The following EDARADD variants were observed in gnomAD, a reference collection of about 807,000 sequenced individuals.
The protein encoded by EDARADD is EDAR associated via death domain.
A neutral mutation model predicts 25.6 loss-of-function variants in EDARADD; 20 were observed. The ratio of observed to expected loss-of-function variants is 0.78; its 90% CI spans 0.55 to 1.14. The LOEUF (loss-of-function observed/expected upper bound fraction) is 1.14, where lower values mean the gene tolerates loss of function less well. EDARADD is among the 50% of genes most tolerant of loss of function. The pLI is 0.00. For synonymous variants in EDARADD, 86 were observed against 94.4 expected (o/e 0.91, Z 0.52); for missense variants, 225 against 270.1 (o/e 0.83, Z 1.17).
intron 5 of EDARADD, among the ~76,000 whole-genome samples, chr1:236,476,263 T>A (rs1659501712): frequency 2.0e-5 from 3 of 152,104 alleles, no homozygotes; most frequent in Non-Finnish European, 4.4e-5. Flanking sequence ...TGATGTTTTT[T>A]TCTTCTTGAC....
At chr1:236,481,642 G>T (rs1053993697) in intron 5 of EDARADD, among the ~76,000 whole-genome samples, 2 of 151,630 alleles carry the variant, frequency 1.3e-5, no homozygotes, top group Non-Finnish European at 2.9e-5. Context: ...AGCCAGGTTT[G>T]GTGGTACGTG....
At chr1:236,464,441 T>TTTG (rs563835939) in intron 4 of EDARADD, among the ~76,000 whole-genome samples, 1 of 126,374 alleles carries the variant, frequency 7.9e-6, no homozygotes, top group Non-Finnish European at 1.7e-5. Context: ...TTTTTTTTTT[T>TTTG]TTTTTTTTTG....
Position 236,483,171 on chromosome 1 carries a change from A to G in EDARADD, c.*522A>G. 5 of 1,556,418 alleles carry G rather than the reference A, an allele frequency of 3.2e-6. No homozygotes were observed. The highest frequency in any genetic ancestry group is 1.1e-5 in the South Asian group (1 of 89,900). ...CAGTGGCTAGAAATTCACCATGTCT[A>G]TTCTCAAGATCCATGCCAGGGAGCT... On this transcript the variant is annotated 3_prime_UTR_variant, in exon 6 of 6. Transcript: ENST00000334232.
chr1:236,401,318 C>T (rs1667608907), intron 1 of EDARADD, among the ~76,000 whole-genome samples: 1 of 152,206 alleles, frequency 6.6e-6, no homozygotes, highest in African/African-American at 2.4e-5. Flanking sequence ...ACTTTTCTGG[C>T]TCAGGATGCT....
chr1:236,460,968 C>T (rs1382547210), intron 4 of EDARADD, among the ~76,000 whole-genome samples: 1 of 151,324 alleles, frequency 6.6e-6, no homozygotes, highest in African/African-American at 2.4e-5. Context: ...ATTACAGGCA[C>T]CTGCCACCAT....
At chr1:236,451,816 G>A (rs6677406) in intron 4 of EDARADD, among the ~76,000 whole-genome samples, 2,786 of 152,100 alleles carry the variant, frequency 0.018, 109 homozygotes, top group African/African-American at 0.064. Context: ...CCTCCTCCCC[G>A]GAGATGAGAA....
At chr1:236,399,782 G>A (rs1021529281) in intron 1 of EDARADD, among the ~76,000 whole-genome samples, 2 of 152,248 alleles carry the variant, frequency 1.3e-5, no homozygotes, top group African/African-American at 4.8e-5. Flanking sequence ...TTGCAGTAAG[G>A]CAAGTGCCGA....
At position 236,395,314 on chromosome 1, in the gene EDARADD, G is replaced by A. The variant is rs994098872; in HGVS notation, c.61+809G>A. On this transcript the variant is annotated intron_variant, in intron 1 of 5. Coordinates refer to ENST00000334232, the MANE Select transcript of EDARADD (RefSeq NM_145861.4). The surrounding 1 kb of genome is among the most constrained non-coding windows in gnomAD (Gnocchi z 6.9). ...GGCGCTGGGGACGCCCGGGACACTCGGGGCCCCGCCTTGCGTCCCAGCCCC... is the reference window on the plus strand; with the variant it reads ...GGCGCTGGGGACGCCCGGGACACTCAGGGCCCCGCCTTGCGTCCCAGCCCC... 5.6e-6 allele frequency: 7 copies of A among 1,258,306 alleles called. No individual in the cohort carries two copies. In the East Asian group the frequency reaches 2.9e-4, roughly 52 times the overall value. 77.9% of individuals were successfully genotyped at this position (1,258,306 alleles called of 1,614,324 possible).
chr1:236,410,511 C>T (rs757011352), intron 2 of EDARADD, among the ~76,000 whole-genome samples: 8 of 152,132 alleles, frequency 5.3e-5, no homozygotes, highest in Non-Finnish European at 7.3e-5. Flanking sequence ...GCACGTACCC[C>T]CATCCTACAG....
intron 4 of EDARADD, among the ~76,000 whole-genome samples, chr1:236,436,658 CTCTTTTTT>C (rs933697198): frequency 1.4e-5 from 2 of 144,260 alleles, no homozygotes; most frequent in African/African-American, 5.0e-5. Flanking sequence ...AGAACCTTAA[CTCTTTTTT>C]AGAGGCAGGA....
At chr1:236,366,741 C>CCCTTTTTTTTTTTTT (rs1667115153) in intron 3 of EDARADD, among the ~76,000 whole-genome samples, 1 of 144,214 alleles carries the variant, frequency 6.9e-6, no homozygotes, top group Non-Finnish European at 1.5e-5. Context: ...TCATCTCTCT[C>CCCTTTTTTTTTTTTT]TTTTTTTTGT....
Position 236,371,366 on chromosome 1 carries a change from T to A in EDARADD, c.-6+20527T>A, listed in dbSNP as rs954414156. 7.9e-5 allele frequency among the ~76,000 whole-genome samples: 12 copies of A among 152,320 alleles called. No homozygotes were observed. In the East Asian group the frequency reaches 2.1e-3, roughly 27 times the overall value. ...TTCAGATTTTCTACATAGACCATCA[T>A]GTTATCTGCAAAGACAGTGTTAATT... On this transcript the variant is annotated intron_variant, in intron 3 of 7. Coordinates refer to the EDARADD transcript ENST00000439430.
rs71559950 is a variant in EDARADD, at chr1:236,405,789, C to CT, written c.62-3423dup. Among the ~76,000 whole-genome samples the CT allele has an allele frequency of 5.5e-4, 24 of 43,380 alleles. 2 individuals are homozygous for CT. The highest frequency in any genetic ancestry group is 6.8e-4 in the Non-Finnish European group (13 of 19,244). 28.5% of individuals were successfully genotyped at this position (43,380 alleles called of 152,430 possible). ...TCTTTCTTTCTTTCTTTCTTTCTTT[C>CT]TTTTCTTTTTCTTTCTTTCTTTCCT... On this transcript the variant is annotated intron_variant, in intron 1 of 5. Coordinates refer to ENST00000334232, the MANE Select transcript of EDARADD (RefSeq NM_145861.4).
Position 236,484,117 on chromosome 1 carries a change from A to G in EDARADD, c.*1468A>G. On this transcript the variant is annotated 3_prime_UTR_variant, in exon 6 of 6. Transcript: ENST00000334232. The surrounding 1 kb of genome is among the most constrained non-coding windows in gnomAD (Gnocchi z 4.1). ...AGTGCAGGAATCCAGGTAGTGGAGG[A>G]TGATCTCAGAGTGACCAACCCAAAG... is the stretch of plus-strand genomic sequence containing the variant. 1.9e-6 allele frequency: 3 copies of G among 1,549,026 alleles called. No homozygotes were observed. Among genetic ancestry groups the G allele is most frequent in the South Asian group, 2.2e-5 (2 of 89,780 alleles).
chr1:236,421,612 C>A (rs944621835), intron 3 of EDARADD, among the ~76,000 whole-genome samples: 2 of 151,282 alleles, frequency 1.3e-5, no homozygotes, highest in African/African-American at 2.4e-5. Flanking sequence ...ATTCTCCTGC[C>A]GCAGCCTCCT....
intron 4 of EDARADD, among the ~76,000 whole-genome samples, chr1:236,456,724 CCCCCTCACT>C (rs1289614219): frequency 4.3e-5 from 2 of 46,638 alleles, no homozygotes; most frequent in Non-Finnish European, 1.2e-4. Flanking sequence ...CCTCCCCCCT[CCCCCTCACT>C]CCCTCTGCAC....
intron 3 of EDARADD, among the ~76,000 whole-genome samples, chr1:236,362,312 G>T (rs1224584677): frequency 6.6e-6 from 1 of 152,200 alleles, no homozygotes; most frequent in Admixed American, 6.5e-5. Flanking sequence ...GATGTTGAGC[G>T]TCTATTTGTG....
At position 236,398,178 on chromosome 1, in the gene EDARADD, G is replaced by A. The variant is rs548067789; in HGVS notation, c.61+3673G>A. ...CTCACTCTGTCACCCAGGCTGGAGT[G>A]CAGTGGCGTGATCCCCACTCACTGC... is the stretch of plus-strand genomic sequence containing the variant. On this transcript the variant is annotated intron_variant, in intron 1 of 5. Coordinates refer to ENST00000334232, the MANE Select transcript of EDARADD (RefSeq NM_145861.4). The surrounding 1 kb of genome is among the most constrained non-coding windows in gnomAD (Gnocchi z 4.1). Among the ~76,000 whole-genome samples, 20 of 152,122 alleles carry A rather than the reference G, an allele frequency of 1.3e-4. No homozygotes were observed. Among genetic ancestry groups the A allele is most frequent in the Non-Finnish European group, 2.6e-4 (18 of 68,020 alleles).
At chr1:236,448,210 G>A (rs1658617593) in intron 4 of EDARADD, among the ~76,000 whole-genome samples, 1 of 152,236 alleles carries the variant, frequency 6.6e-6, no homozygotes, top group Non-Finnish European at 1.5e-5. Flanking sequence ...GCCTGGGGTA[G>A]ACTCCAAGCA....
Sources: allele counts gnomAD v4.1 joint callset (sites outside exome capture counted in the v4.1 genomes callset), GRCh38; gene constraint gnomAD v4.1.1; non-coding constraint Gnocchi (gnomAD v3.1); transcripts MANE v1.5; gene names NCBI Gene and HGNC (gene_info 2026-07-23, HGNC 2026-07-21).